The following MAPK10 variants were observed in gnomAD, a reference collection of about 807,000 sequenced individuals.
MAPK10 encodes JNK3 alpha protein kinase.
In MAPK10, 25 loss-of-function variants were observed where a neutral mutation model predicts 59.3. The observed-to-expected ratio is 0.42, with a 90% CI of 0.31 to 0.59. The LOEUF is 0.59. MAPK10 is among the 20% of genes least tolerant of loss of function. The probability of loss-of-function intolerance (pLI) is 0.15; values close to 1 mark genes in which losing one functional copy is unlikely to be tolerated. For missense variants in MAPK10, 351 were observed against 568.9 expected (o/e 0.62, Z 3.90); for synonymous variants, 190 against 200.5 (o/e 0.95, Z 0.44).
chr4:86,181,391 G>A (rs1316626559), intron 3 of MAPK10, among the ~76,000 whole-genome samples: 2 of 151,926 alleles, frequency 1.3e-5, no homozygotes, highest in Non-Finnish European at 2.9e-5. Flanking sequence ...CTGTGTCACA[G>A]GCTTTCTCAA....
intron 2 of MAPK10, among the ~76,000 whole-genome samples, chr4:86,286,271 A>G (rs1301975941): frequency 6.6e-6 from 1 of 152,218 alleles, no homozygotes. Flanking sequence ...AACCTGGGAC[A>G]TCATTGGATT....
chr4:86,398,516 G>T (rs1290253994), intron 1 of MAPK10, among the ~76,000 whole-genome samples: 1 of 152,158 alleles, frequency 6.6e-6, no homozygotes, highest in Non-Finnish European at 1.5e-5. Flanking sequence ...GCACTGCCCT[G>T]CCTCTCTTAA....
chr4:86,258,720 G>A (rs957210785), intron 2 of MAPK10, among the ~76,000 whole-genome samples: 2 of 151,934 alleles, frequency 1.3e-5, no homozygotes, highest in Non-Finnish European at 2.9e-5. Context: ...TAACCCTTCT[G>A]AAAAATATAG....
intron 9 of MAPK10, chr4:86,089,382 C>A: frequency 1.3e-6 from 1 of 743,562 alleles, no homozygotes; most frequent in South Asian, 1.7e-5. Context: ...TCTGACTTTT[C>A]ACTGACTGGA....
In MAPK10 at chr4:86,283,643, G is replaced by A. The variant is rs186527381; in HGVS notation, c.-7+70887C>T. On this transcript the variant is annotated intron_variant, in intron 2 of 13. Coordinates refer to ENST00000641462, the MANE Select transcript of MAPK10 (RefSeq NM_138982.4). ...GCTGAGAACACTTTCAGTGTTCCAG[G>A]TGATGATGCTGACAAAAGGGAGTGT... Among the ~76,000 whole-genome samples, 5 of 152,284 alleles carry A rather than the reference G, an allele frequency of 3.3e-5. No individual in the cohort carries two copies. In the East Asian group the frequency reaches 7.7e-4, roughly 24 times the overall value.
chr4:86,112,938 GTTGAA>G (rs1166219473), intron 4 of MAPK10, among the ~76,000 whole-genome samples: 2 of 151,402 alleles, frequency 1.3e-5, no homozygotes, highest in Admixed American at 6.6e-5. Context: ...ACCTCTTCTT[GTTGAA>G]TTGAACCCTT....
intron 2 of MAPK10, among the ~76,000 whole-genome samples, chr4:86,242,036 G>T (rs985706355): frequency 6.6e-6 from 1 of 151,960 alleles, no homozygotes; most frequent in Non-Finnish European, 1.5e-5. Context: ...TTTTGTTGTT[G>T]TTGGTGGTGG....
rs191478467 is a variant in MAPK10 at position 86,354,487 on chromosome 4, C to A, written c.-7+43G>T. 3,716 of 865,594 alleles carry A rather than the reference C, an allele frequency of 4.3e-3. 15 individuals carry two copies. The highest frequency in any genetic ancestry group is 6.1e-3 in the Admixed American group (142 of 23,204). The allele number at this position is 865,594 out of a possible 1,614,324, so 53.6% of individuals were successfully genotyped here. A position where few individuals can be genotyped will look rare whatever the true frequency, so the allele number is the denominator to read the frequency against. ...CAATATTTAAATTGGCTATATAGAT[C>A]CTAGTTTTCATGCTAAGGAATATTT... On this transcript the variant is annotated intron_variant, in intron 2 of 13. Transcript: ENST00000641462.
intron 2 of MAPK10, among the ~76,000 whole-genome samples, chr4:86,306,211 A>C (rs1012043740): frequency 2.0e-5 from 3 of 152,228 alleles, no homozygotes; most frequent in Admixed American, 6.5e-5. Flanking sequence ...ATTTTAAAAA[A>C]CTATATGTTT....
chr4:86,294,551 C>T (rs575647763), intron 2 of MAPK10, among the ~76,000 whole-genome samples: 4 of 151,292 alleles, frequency 2.6e-5, no homozygotes, highest in Non-Finnish European at 5.9e-5. Flanking sequence ...AAAAAGAAAA[C>T]TTCAAGAATA....
chr4:86,471,258 G>A (rs1445210728), intron 1 of MAPK10, among the ~76,000 whole-genome samples: 2 of 123,224 alleles, frequency 1.6e-5, no homozygotes, highest in Admixed American at 1.0e-4. Context: ...GACACAGCAA[G>A]ACTCTGTGCC....
intron 2 of MAPK10, among the ~76,000 whole-genome samples, chr4:86,277,827 GT>G (rs1007237713): frequency 6.6e-6 from 1 of 152,066 alleles, no homozygotes; most frequent in African/African-American, 2.4e-5. Context: ...TTAACAAACG[GT>G]TTACCAAACA....
At chr4:86,553,617 C>T (rs981463030) in intron 1 of MAPK10, among the ~76,000 whole-genome samples, 4 of 152,158 alleles carry the variant, frequency 2.6e-5, no homozygotes, top group African/African-American at 7.2e-5. Context: ...TACGTGTGCA[C>T]TTTCAGGTAT....
chr4:86,046,156 T>C (rs1428578368), intron 11 of MAPK10, among the ~76,000 whole-genome samples: 1 of 151,842 alleles, frequency 6.6e-6, no homozygotes, highest in African/African-American at 2.4e-5. Context: ...ATTGATTTTG[T>C]ATCCTGAGAC....
intron 2 of MAPK10, among the ~76,000 whole-genome samples, chr4:86,219,099 A>G (rs1316831360): frequency 6.6e-6 from 1 of 152,160 alleles, no homozygotes; most frequent in Non-Finnish European, 1.5e-5. Context: ...AGGAGCACAC[A>G]TGCAAACCTA....
intron 3 of MAPK10, among the ~76,000 whole-genome samples, chr4:86,177,940 T>A (rs2076053083): frequency 6.6e-6 from 1 of 152,098 alleles, no homozygotes; most frequent in South Asian, 2.1e-4. Flanking sequence ...ATTTCATATT[T>A]ATTTAAAAGA....
intron 4 of MAPK10, among the ~76,000 whole-genome samples, chr4:86,126,687 A>G (rs570106897): frequency 6.6e-5 from 10 of 152,094 alleles, no homozygotes; most frequent in Non-Finnish European, 1.5e-4. Flanking sequence ...GTATAAGTAT[A>G]CATATTTATA....
intron 2 of MAPK10, among the ~76,000 whole-genome samples, chr4:86,255,433 C>T (rs1246577516): frequency 6.6e-6 from 1 of 152,148 alleles, no homozygotes; most frequent in Non-Finnish European, 1.5e-5. Flanking sequence ...GACACTGAGT[C>T]AGAGGAAGAC....
intron 1 of MAPK10, among the ~76,000 whole-genome samples, chr4:86,492,224 C>T (rs759347657): frequency 6.6e-6 from 1 of 152,126 alleles, no homozygotes; most frequent in Non-Finnish European, 1.5e-5. Flanking sequence ...GAAGGTAGGT[C>T]TCGAGAAGGA....
Sources: gnomAD v4.1 joint callset for allele counts (sites outside exome capture counted in the v4.1 genomes callset) on GRCh38, gnomAD v4.1.1 for gene constraint, MANE v1.5 for transcripts, NCBI Gene and HGNC (gene_info 2026-07-23, HGNC 2026-07-21) for gene names.